The following TRPM6 variants were observed in gnomAD, a reference collection of about 807,000 sequenced individuals.
TRPM6 encodes transient receptor potential cation channel subfamily M member 6.
TRPM6 carries 111 observed loss-of-function variants against 247.6 expected under a neutral mutation model. The observed-to-expected ratio is 0.45, with a 90% confidence interval of 0.38 to 0.52. TRPM6 has a LOEUF of 0.52. TRPM6 is among the 20% of genes least tolerant of loss of function. The pLI is 0.00. For synonymous variants in TRPM6, 892 were observed against 853.8 expected (o/e 1.04, Z -0.78); for missense variants, 2,126 against 2,421.5 (o/e 0.88, Z 2.56).
intron 1 of TRPM6, among the ~76,000 whole-genome samples, chr9:74,862,042 A>G (rs745557055): frequency 2.0e-5 from 3 of 150,770 alleles, no homozygotes; most frequent in Non-Finnish European, 4.4e-5. Flanking sequence ...TGTCATAACA[A>G]GAATGTGGAA....
chr9:74,839,888 A>AG, intron 5 of TRPM6, 136 bp downstream of exon 5: 1 of 179,506 alleles, frequency 5.6e-6, no homozygotes, highest in Non-Finnish European at 8.7e-6. Context: ...GAAGGAAGGA[A>AG]GGAAGGAGGG....
At chr9:74,732,082 A>T (rs1825539353) in intron 37 of TRPM6, among the ~76,000 whole-genome samples, 1 of 152,208 alleles carries the variant, frequency 6.6e-6, no homozygotes, top group Non-Finnish European at 1.5e-5. Flanking sequence ...AAGTCTTCCC[A>T]AAAACCTGCT....
Position 74,821,721 on chromosome 9 carries a change from C to T in TRPM6, c.958G>A (p.Gly320Ser). Residue 320 changes from glycine (G) to serine (S), a missense_variant, in exon 8 of 39, where the codon GGT (glycine) becomes AGT (serine). By Grantham distance (56) the Gly-to-Ser change is moderately conservative. This residue lies in a region of TRPM6 where 1,082 missense variants were observed against 1,307.9 expected (regional missense o/e 0.83). Coordinates refer to ENST00000360774, the MANE Select transcript of TRPM6 (RefSeq NM_017662.5). ...KDPVVVCEGT[G>S]RAADLLAFTH... ...AAGGCCAGGAGGTCAGCCGCCCTAC[C>T]TGTGCCCTCACACACCACCACTGGG... 3 of 1,614,228 alleles carry T rather than the reference C, an allele frequency of 1.9e-6. No individual in the cohort carries two copies. The highest frequency in any genetic ancestry group is 2.5e-6 in the Non-Finnish European group (3 of 1,180,044).
At chr9:74,738,734 G>T in intron 35 of TRPM6, 122 bp from the exon 36 acceptor site, 1 of 834,114 alleles carries the variant, frequency 1.2e-6, no homozygotes, top group Non-Finnish European at 2.0e-6. Flanking sequence ...CAATGCACAT[G>T]CCCTTGCCCT....
chr9:74,764,897 A>C (rs186885367), intron 25 of TRPM6, among the ~76,000 whole-genome samples: 8 of 152,324 alleles, frequency 5.3e-5, no homozygotes, highest in Non-Finnish European at 2.9e-5. Context: ...GAAAGGATAC[A>C]ATACAAAAGG....
intron 12 of TRPM6, among the ~76,000 whole-genome samples, chr9:74,811,789 T>C (rs1011912862): frequency 6.6e-6 from 1 of 152,198 alleles, no homozygotes; most frequent in African/African-American, 2.4e-5. Context: ...GTCAGACCCC[T>C]GGCAATGGAA....
chr9:74,880,358 A>G (rs922470906), intron 1 of TRPM6, among the ~76,000 whole-genome samples: 4 of 152,184 alleles, frequency 2.6e-5, no homozygotes, highest in African/African-American at 9.7e-5. Flanking sequence ...AGAGATTGCC[A>G]GAAAGATACA....
chr9:74,783,594 C>G (rs1184180658), intron 21 of TRPM6, among the ~76,000 whole-genome samples: 1 of 152,182 alleles, frequency 6.6e-6, no homozygotes, highest in Non-Finnish European at 1.5e-5. Context: ...TCCCAGATTC[C>G]TGAGTCACTG....
chr9:74,739,490 T>G, intron 34 of TRPM6, 41 bp from the exon 35 acceptor site: 3 of 1,586,592 alleles, frequency 1.9e-6, no homozygotes, highest in Non-Finnish European at 2.6e-6. Context: ...TGATTTACTG[T>G]TGTACAGCTA....
At chr9:74,778,138 C>A (rs374476499) in intron 23 of TRPM6, among the ~76,000 whole-genome samples, 4 of 152,096 alleles carry the variant, frequency 2.6e-5, no homozygotes, top group East Asian at 3.9e-4. Flanking sequence ...GCTTCAAGAT[C>A]GAGAATCAGA....
At chr9:74,848,429 G>C (rs949523886) in intron 3 of TRPM6, among the ~76,000 whole-genome samples, 1 of 152,178 alleles carries the variant, frequency 6.6e-6, no homozygotes, top group African/African-American at 2.4e-5. Context: ...TCCTAGGTTG[G>C]ACAAAGCAAA....
intron 14 of TRPM6, chr9:74,804,448 T>G: frequency 3.4e-6 from 2 of 587,108 alleles, no homozygotes; most frequent in South Asian, 3.8e-5. Flanking sequence ...TTAAAGGGAC[T>G]AACATAAAAT....
At chr9:74,733,646 G>T (rs921286007) in intron 36 of TRPM6, among the ~76,000 whole-genome samples, 2 of 152,170 alleles carry the variant, frequency 1.3e-5, no homozygotes, top group Admixed American at 1.3e-4. Context: ...TCCATACATG[G>T]TCAAAACAGG....
At chr9:74,885,497 C>T (rs551602990) in intron 1 of TRPM6, among the ~76,000 whole-genome samples, 2 of 151,952 alleles carry the variant, frequency 1.3e-5, no homozygotes, top group South Asian at 4.2e-4. Context: ...AGATATTAAC[C>T]CTATGGAATT....
chr9:74,876,483 G>C (rs1220936925), intron 1 of TRPM6, among the ~76,000 whole-genome samples: 1 of 152,226 alleles, frequency 6.6e-6, no homozygotes, highest in African/African-American at 2.4e-5. Context: ...CCTGGGTGCA[G>C]TTATTAAACT....
chr9:74,833,964 G>C, intron 6 of TRPM6, 34 bp downstream of exon 6: 1 of 1,612,510 alleles, frequency 6.2e-7, no homozygotes, highest in South Asian at 1.1e-5. Flanking sequence ...ACACGTGTTC[G>C]TTTGCTTTTG....
intron 25 of TRPM6, 88 bp downstream of exon 25, chr9:74,771,614 AT>A: frequency 7.6e-7 from 1 of 1,316,128 alleles, no homozygotes. Flanking sequence ...AACCTCTGGG[AT>A]TTGAAAGATC....
chr9:74,744,162 G>T lies in TRPM6; in HGVS notation c.5084-17C>A. On this transcript the variant is annotated splice_polypyrimidine_tract_variant and intron_variant, in intron 31 of 38. Transcript: ENST00000360774. ...CTGAGATCTCTGAAATTAGAGAGGA[G>T]ATTGGCATTTTAATTACATGGCTGG... is the stretch of plus-strand genomic sequence containing the variant. The T allele has an allele frequency of 6.2e-7, 1 of 1,613,078 alleles. No homozygotes were observed. Among genetic ancestry groups the T allele is most frequent in the Non-Finnish European group, 8.5e-7 (1 of 1,179,136 alleles).
chr9:74,805,380 C>A (rs973359799), intron 14 of TRPM6, among the ~76,000 whole-genome samples: 1 of 152,160 alleles, frequency 6.6e-6, no homozygotes, highest in Non-Finnish European at 1.5e-5. Context: ...GATAATCTGC[C>A]CACACTAAGA....
Sources: gnomAD v4.1 joint callset for allele counts (sites outside exome capture counted in the v4.1 genomes callset) on GRCh38, gnomAD v4.1.1 for gene constraint, gnomAD v4.1.1 regional missense constraint, MANE v1.5 for transcripts, NCBI Gene and HGNC (gene_info 2026-07-23, HGNC 2026-07-21) for gene names.